Variants in LRP1B observed in about 807,000 individuals in gnomAD.
LRP1B encodes low-density lipoprotein receptor-related protein 1B.
A neutral mutation model predicts 556.6 loss-of-function variants in LRP1B; 217 were observed. The observed-to-expected ratio is 0.39, with a 90% confidence interval of 0.35 to 0.44. The LOEUF (loss-of-function observed/expected upper bound fraction) is 0.44. Among genes scored for constraint, LRP1B ranks in the 20% least tolerant of loss-of-function variants. The pLI, the probability that LRP1B is intolerant of heterozygous loss-of-function variation, is 1.00. For missense variants in LRP1B, 5,053 were observed against 5,620.8 expected (o/e 0.90, Z 3.23); for synonymous variants, 2,047 against 1,865.8 (o/e 1.10, Z -2.50).
rs536062919 is a variant in LRP1B at position 140,576,576 on chromosome 2, T to C, written c.7194+22055A>G. 2.0e-5 allele frequency among the ~76,000 whole-genome samples: 3 copies of C among 152,338 alleles called. No individual in the cohort carries two copies. The East Asian group carries it at 5.8e-4, about 29-fold the overall frequency. On this transcript the variant is annotated intron_variant, in intron 43 of 90. Coordinates refer to ENST00000389484, the MANE Select transcript of LRP1B (RefSeq NM_018557.3). Reference sequence around the variant, plus strand: ...CCAGAACACTTTTATTCACCATATATAATCTAAGATCAGCTTCAAAGATCA... The same window carrying C: ...CCAGAACACTTTTATTCACCATATACAATCTAAGATCAGCTTCAAAGATCA...
At chr2:140,875,476 TG>T (rs1477655365) in intron 25 of LRP1B, among the ~76,000 whole-genome samples, 1 of 152,216 alleles carries the variant, frequency 6.6e-6, no homozygotes, top group Non-Finnish European at 1.5e-5. Flanking sequence ...TTGGGCTTAT[TG>T]TTTTTAAAAT....
intron 2 of LRP1B, among the ~76,000 whole-genome samples, chr2:141,688,651 A>G (rs1691400406): frequency 6.6e-6 from 1 of 151,904 alleles, no homozygotes; most frequent in Admixed American, 6.6e-5. Flanking sequence ...ATTGGTAAGT[A>G]GTTGAGAATT....
intron 80 of LRP1B, among the ~76,000 whole-genome samples, chr2:140,324,669 A>T (rs925333068): frequency 1.1e-4 from 16 of 152,160 alleles, no homozygotes; most frequent in Admixed American, 2.6e-4. Context: ...ATTTTCAGAG[A>T]TTTTATAGAA....
At chr2:140,357,909 T>C (rs1682307541) in intron 74 of LRP1B, 70 bp downstream of exon 74, 2 of 1,538,422 alleles carry the variant, frequency 1.3e-6, no homozygotes, top group Non-Finnish European at 1.8e-6. Flanking sequence ...ATCCAGAACA[T>C]TTTAGTCATG....
chr2:140,308,619 T>TACCTAACTAGTTTTATGTATATCTA (rs1684164352), intron 83 of LRP1B, among the ~76,000 whole-genome samples: 1 of 151,850 alleles, frequency 6.6e-6, no homozygotes, highest in African/African-American at 2.4e-5. Flanking sequence ...TGATGTTTTA[T>TACCTAACTAGTTTTATGTATATCTA]ACCTAACTAG....
At chr2:141,799,565 G>T (rs1423674758) in intron 2 of LRP1B, among the ~76,000 whole-genome samples, 2 of 152,058 alleles carry the variant, frequency 1.3e-5, no homozygotes, top group Non-Finnish European at 2.9e-5. Flanking sequence ...CTTGGAGGCT[G>T]ATTCTTCCTC....
At chr2:141,739,166 G>T (rs1277875785) in intron 2 of LRP1B, among the ~76,000 whole-genome samples, 2 of 152,148 alleles carry the variant, frequency 1.3e-5, no homozygotes, top group African/African-American at 4.8e-5. Flanking sequence ...AATATTAATG[G>T]TGTTTGAAGG....
intron 2 of LRP1B, among the ~76,000 whole-genome samples, chr2:141,663,728 G>A (rs1690311246): frequency 6.6e-6 from 1 of 152,024 alleles, no homozygotes; most frequent in African/African-American, 2.4e-5. Context: ...CCCAGGACTA[G>A]ATACATTTTC....
intron 37 of LRP1B, among the ~76,000 whole-genome samples, chr2:140,708,282 A>G (rs1686911482): frequency 6.6e-6 from 1 of 151,930 alleles, no homozygotes; most frequent in Non-Finnish European, 1.5e-5. Context: ...AAAAATAAAG[A>G]TATAGGCCAT....
At chr2:141,919,904 A>G (rs1185418584) in intron 1 of LRP1B, among the ~76,000 whole-genome samples, 1 of 152,056 alleles carries the variant, frequency 6.6e-6, no homozygotes, top group Non-Finnish European at 1.5e-5. Context: ...AAAAAGTTCA[A>G]TAGAGAAATG....
chr2:140,757,055 A>G (rs957067454), intron 35 of LRP1B, among the ~76,000 whole-genome samples: 1 of 152,224 alleles, frequency 6.6e-6, no homozygotes, highest in Non-Finnish European at 1.5e-5. Context: ...TAAGCACATT[A>G]AAAAGATACT....
chr2:140,946,786 G>T (rs1420492632), intron 20 of LRP1B, among the ~76,000 whole-genome samples: 1 of 152,172 alleles, frequency 6.6e-6, no homozygotes, highest in Non-Finnish European at 1.5e-5. Flanking sequence ...GGTTGATTCA[G>T]TGGTGAACTG....
chr2:142,075,867 A>G lies in LRP1B; in HGVS notation c.82+54781T>C, dbSNP rs75266707. Among the ~76,000 whole-genome samples the G allele has an allele frequency of 1.7e-3, 255 of 152,244 alleles. 3 individuals are homozygous for G. The East Asian group carries it at 0.036, about 21-fold the overall frequency. On this transcript the variant is annotated intron_variant, in intron 1 of 90. Coordinates refer to ENST00000389484, the MANE Select transcript of LRP1B (RefSeq NM_018557.3). ...TCACAATCAAAACTCATGAGAATCA[A>G]CTGGTAAGCCCATAGGGGCTTGACT...
chr2:142,002,211 A>G (rs900505003), intron 1 of LRP1B, among the ~76,000 whole-genome samples: 2 of 152,194 alleles, frequency 1.3e-5, no homozygotes, highest in African/African-American at 4.8e-5. Context: ...AGTAACCAGT[A>G]TTGATCTATT....
chr2:140,999,040 T>C (rs552173741), intron 15 of LRP1B, among the ~76,000 whole-genome samples: 6 of 152,220 alleles, frequency 3.9e-5, no homozygotes, highest in Admixed American at 1.3e-4. Context: ...CCATTTGTAG[T>C]TGTCTGCAGT....
chr2:140,679,037 A>G lies in LRP1B; in HGVS notation c.6799+21213T>C, dbSNP rs192836804. ...GTTGATCCACCTGCCTCTGCCTCCC[A>G]AAGTGCTGGGACTACAGGCATGAGC... On this transcript the variant is annotated intron_variant, in intron 41 of 90. Coordinates refer to ENST00000389484, the MANE Select transcript of LRP1B (RefSeq NM_018557.3). Among the ~76,000 whole-genome samples the G allele has an allele frequency of 2.9e-4, 44 of 152,162 alleles. 1 individual carries two copies. Among genetic ancestry groups the G allele is most frequent in the African/African-American group, 9.2e-4 (38 of 41,502 alleles).
chr2:141,588,898 A>C (rs534415917), intron 2 of LRP1B, among the ~76,000 whole-genome samples: 2 of 152,326 alleles, frequency 1.3e-5, no homozygotes, highest in South Asian at 4.1e-4. Context: ...GGGTCAAGAC[A>C]AAAAATAAGA....
intron 11 of LRP1B, among the ~76,000 whole-genome samples, chr2:141,027,124 G>A (rs1474609212): frequency 6.6e-6 from 1 of 152,112 alleles, no homozygotes; most frequent in Non-Finnish European, 1.5e-5. Context: ...GGGCATGGAA[G>A]AAGGGAGGGG....
chr2:141,899,600 T>C lies in LRP1B; in HGVS notation c.83-89199A>G, dbSNP rs1457327836. On this transcript the variant is annotated intron_variant, in intron 1 of 90. Coordinates refer to ENST00000389484, the MANE Select transcript of LRP1B (RefSeq NM_018557.3). ...CAGGTATAAATTGGACTTGTCTTCA[T>C]ACCTCTGGAAAATACAGGCAAATAG... 2.0e-4 allele frequency among the ~76,000 whole-genome samples: 31 copies of C among 152,126 alleles called. 1 individual carries two copies. Among genetic ancestry groups the C allele is most frequent in the Admixed American group, 2.0e-3 (31 of 15,228 alleles).
Sources: allele counts gnomAD v4.1 joint callset (sites outside exome capture counted in the v4.1 genomes callset), GRCh38; gene constraint gnomAD v4.1.1; transcripts MANE v1.5; gene names NCBI Gene and HGNC (gene_info 2026-07-23, HGNC 2026-07-21).